The following TTN variants were observed in gnomAD, a reference collection of about 807,000 sequenced individuals.
The protein encoded by TTN is connectin.
A neutral mutation model predicts 3,223.0 loss-of-function variants in TTN; 1,525 were observed. The observed-to-expected ratio is 0.47, with a 90% CI of 0.45 to 0.49. The LOEUF (loss-of-function observed/expected upper bound fraction) is 0.49. TTN is among the 20% of genes least tolerant of loss of function. The pLI is 0.00. For synonymous variants in TTN, 14,094 were observed against 15,161.0 expected (o/e 0.93, Z 5.17); for missense variants, 40,786 against 43,424.0 (o/e 0.94, Z 5.40).
intron 47 of TTN, among the ~76,000 whole-genome samples, chr2:178,743,692 A>G (rs1179507616): frequency 6.6e-6 from 1 of 151,924 alleles, no homozygotes; most frequent in Non-Finnish European, 1.5e-5. Flanking sequence ...CATGCTTGTC[A>G]TGTTTGCCTC....
Position 178,548,822 on chromosome 2 carries a change from T to A in TTN, c.92804A>T (p.His30935Leu). 1 of 1,612,898 alleles carries A rather than the reference T, an allele frequency of 6.2e-7. No individual in the cohort carries two copies. The highest frequency in any genetic ancestry group is 8.5e-7 in the Non-Finnish European group (1 of 1,179,806). The part of the protein sequence containing the change: ...LDIDANFKQT[H>L]VVRAGASIRL... ...AATACTGGCCCCAGCTCTAACAACA[T>A]GAGTCTGTTTGAAGTTTGCATCTAT... Residue 30935 changes from histidine to leucine, a missense_variant, in exon 339 of 363, where the codon CAT becomes CTT. By Grantham distance (99) the His-to-Leu change is moderately conservative. Coordinates refer to ENST00000589042, the MANE Select transcript of TTN (RefSeq NM_001267550.2). The surrounding 1 kb of genome is among the most constrained non-coding windows in gnomAD (Gnocchi z 4.3).
chr2:178,788,931 AAT>A (rs1469297190), intron 13 of TTN, among the ~76,000 whole-genome samples: 10 of 152,234 alleles, frequency 6.6e-5, no homozygotes, highest in Admixed American at 2.6e-4. Context: ...AATTTACTGA[AAT>A]AAGTCATACT....
chr2:178,701,727 T>C, intron 109 of TTN, 140 bp from the exon 110 acceptor site: 3 of 879,108 alleles, frequency 3.4e-6, no homozygotes, highest in Non-Finnish European at 5.1e-6. Context: ...CAAAATAATA[T>C]TAGTATTCTT....
At chr2:178,624,166 C>T (rs1420999582) in intron 242 of TTN, among the ~76,000 whole-genome samples, 1 of 151,952 alleles carries the variant, frequency 6.6e-6, no homozygotes, top group Non-Finnish European at 1.5e-5. Flanking sequence ...ATCAGGATAT[C>T]CATACAGTAG....
intron 253 of TTN, 87 bp from the exon 254 acceptor site, chr2:178,617,599 T>C: frequency 1.4e-6 from 2 of 1,428,066 alleles, no homozygotes; most frequent in Non-Finnish European, 1.9e-6. Context: ...ATCATCCTCA[T>C]TAACAGGTTT....
rs1342281244 is a variant in TTN, at chr2:178,652,533, C to G, written c.39052G>C (p.Ala13018Pro). 1 of 1,613,366 alleles carries G rather than the reference C, an allele frequency of 6.2e-7. No homozygotes were observed. Among genetic ancestry groups the G allele is most frequent in the Non-Finnish European group, 8.5e-7 (1 of 1,179,584 alleles). Residue 13018 changes from alanine (A) to proline (P), a missense_variant, in exon 202 of 363, where the codon GCT becomes CCT. Transcript: ENST00000589042. ...TTTTCAGGAACAACTTCTTTCGGAG[C>G]CTCTGGCACTTAAAAGATATTAGTG... is the stretch of plus-strand genomic sequence containing the variant. ...PEVPPVKVPE[A>P]PKEVVPEKKV...
rs552522449 is a variant in TTN, at chr2:178,755,842, C to A, written c.11254+380G>T. Among the ~76,000 whole-genome samples, 3 of 152,216 alleles carry A rather than the reference C, an allele frequency of 2.0e-5. No individual in the cohort carries two copies. The East Asian group carries it at 5.8e-4, about 29-fold the overall frequency. On this transcript the variant is annotated intron_variant, in intron 46 of 362. Coordinates refer to ENST00000589042, the MANE Select transcript of TTN (RefSeq NM_001267550.2). ...ATTGTTGAACCTCTTGCTATTAAAA[C>A]AATTAAACTGAAATTTACCACAGTA...
In TTN at chr2:178,725,471, A is replaced by T. The variant is rs879167155; in HGVS notation, c.20733T>A (p.Thr6911=). 4 of 1,613,138 alleles carry T rather than the reference A, an allele frequency of 2.5e-6. No homozygotes were observed. The African/African-American group carries it at 5.3e-5, about 22-fold the overall frequency. The change falls in exon 71 of 363, where the codon ACT becomes ACA. Residue 6911 remains threonine, a synonymous_variant. Transcript: ENST00000589042. ...IRITFVENVA[T]LQFAKAEPAN... ...CTGGCTCTGCTTTTGCAAACTGTAG[A>T]GTTGCAACATTTTCCACAAATGTAA...
Position 178,645,452 on chromosome 2 carries a change from C to T in TTN, c.40408+468G>A, listed in dbSNP as rs552430891. 6.6e-5 allele frequency among the ~76,000 whole-genome samples: 10 copies of T among 152,102 alleles called. No homozygotes were observed. In the South Asian group the frequency reaches 2.1e-3, roughly 32 times the overall value. On this transcript the variant is annotated intron_variant, in intron 217 of 362. Transcript: ENST00000589042. The stretch of plus-strand genomic sequence containing the variant: ...TAGGCACATATCAGCTACTGGAAAT[C>T]ATAACTATATTACTTGTAATATATT...
chr2:178,557,381 G>T lies in TTN; in HGVS notation c.87881C>A (p.Thr29294Lys). The T allele has an allele frequency of 6.2e-7, 1 of 1,613,950 alleles. No individual in the cohort carries two copies. ...WQKANKLVIR[T>K]THFKVTTISA... ...GATTGTTGTGACTTTGAAGTGAGTT[G>T]TGCGGATGACCAGTTTGTTGGCTTT... The change falls in exon 329 of 363, where the codon ACA becomes AAA. Residue 29294 changes from threonine (T) to lysine (K), a missense_variant. Thr to Lys is a moderately conservative substitution (Grantham distance 78, BLOSUM62 -1). Transcript: ENST00000589042.
chr2:178,738,520 C>A (rs1216692247), intron 48 of TTN, among the ~76,000 whole-genome samples, 160 bp from the exon 49 acceptor site: 4 of 152,012 alleles, frequency 2.6e-5, no homozygotes, highest in Non-Finnish European at 5.9e-5. Context: ...TGAGAAAGAT[C>A]ATTGAAGGCA....
At position 178,616,801 on chromosome 2, in the gene TTN, T is replaced by C. The variant is rs764470678; in HGVS notation, c.48088A>G (p.Lys16030Glu). 6.2e-7 allele frequency: 1 copy of C among 1,612,802 alleles called. No homozygotes were observed. The highest frequency in any genetic ancestry group is 8.5e-7 in the Non-Finnish European group (1 of 1,179,178). Reference sequence around the variant, plus strand: ...TCTAATTTCAGTGTATAAATGCCCTTGTCTGAACGTTCACTTGGAGAAATG... The same window carrying C: ...TCTAATTTCAGTGTATAAATGCCCTCGTCTGAACGTTCACTTGGAGAAATG... ...LVISPSERSD[K>E]GIYTLKLENR... is the part of the protein sequence containing the mutation. Residue 16030 changes from lysine (K) to glutamate (E), a missense_variant, in exon 256 of 363, where the codon AAG becomes GAG. Transcript: ENST00000589042.
chr2:178,719,449 G>A lies in TTN; in HGVS notation c.23941C>T (p.Arg7981Trp), dbSNP rs1227497572. 6.2e-7 allele frequency: 1 copy of A among 1,610,882 alleles called. No individual in the cohort carries two copies. The highest frequency in any genetic ancestry group is 1.7e-5 in the Admixed American group (1 of 59,878). The change falls in exon 83 of 363, where the codon CGG (arginine) becomes TGG (tryptophan). Residue 7981 changes from arginine (R) to tryptophan (W), a missense_variant and splice_region_variant. Physicochemically the swap from Arg to Trp is moderately radical, Grantham distance 101. Coordinates refer to ENST00000589042, the MANE Select transcript of TTN (RefSeq NM_001267550.2). ...CGGATGAAGGAAGGAGGCACAATCC[G>A]ATCTATGTGGGGAAGGGTAGTTTTG... Reference protein sequence around the residue: ...NCTVSVHVSDRIVPPSFIRKL... With the variant: ...NCTVSVHVSDWIVPPSFIRKL...
rs147314430 is a variant in TTN, at chr2:178,751,325, C to G, written c.11311+1799G>C. 866 of 1,610,262 alleles carry G rather than the reference C, an allele frequency of 5.4e-4. 6 individuals carry two copies. Among genetic ancestry groups the G allele is most frequent in the Admixed American group, 1.1e-3 (64 of 59,420 alleles). ...CACTTTGGTCTCCTTGTCCAGGAAA[C>G]TTTCACCTACATTAAGCCAACCTCT... On this transcript the variant is annotated intron_variant, in intron 47 of 362. Transcript: ENST00000589042.
At chr2:178,685,018 A>G in intron 129 of TTN, 29 bp from the exon 130 acceptor site, 1 of 1,539,602 alleles carries the variant, frequency 6.5e-7, no homozygotes, top group South Asian at 1.2e-5. Flanking sequence ...TAAGAATATG[A>G]GTTTGCCTTA....
At position 178,610,270 on chromosome 2, in the gene TTN, G is replaced by T; in HGVS notation, c.51256C>A (p.Arg17086Ser). ...GTPILHYVLE[R>S]REAGRRTYIP... ...TATGTTCTCCTCCCAGCTTCTCTGC[G>T]CTCCAGGACATAATGAAGAATTGGG... The change falls in exon 271 of 363, where the codon CGC becomes AGC. Residue 17086 changes from arginine to serine, a missense_variant. Arg to Ser is a moderately radical substitution (Grantham distance 110). Coordinates refer to ENST00000589042, the MANE Select transcript of TTN (RefSeq NM_001267550.2). 3.1e-6 allele frequency: 5 copies of T among 1,612,882 alleles called. No homozygotes were observed. Among genetic ancestry groups the T allele is most frequent in the Non-Finnish European group, 4.2e-6 (5 of 1,179,232 alleles).
chr2:178,610,171 A>C lies in TTN; in HGVS notation c.51355T>G (p.Phe17119Val), dbSNP rs370696020. Residue 17119 changes from phenylalanine (F) to valine (V), a missense_variant, in exon 271 of 363, where the codon TTC becomes GTC. By Grantham distance (50) the Phe-to-Val change is conservative (BLOSUM62 -1). Coordinates refer to ENST00000589042, the MANE Select transcript of TTN (RefSeq NM_001267550.2). The stretch of plus-strand genomic sequence containing the variant: ...ACCTTGTTGACTGCTTTAACACGGA[A>C]GAAGTATTCACCATTTGGTATGAGA... ...KDLIPNGEYFFRVKAVNKVGG... is the reference protein window; with the variant it reads ...KDLIPNGEYFVRVKAVNKVGG... The C allele has an allele frequency of 3.5e-5, 57 of 1,613,044 alleles. 1 individual carries two copies. The highest frequency in any genetic ancestry group is 3.5e-4 in the South Asian group (32 of 91,066).
rs781529874 is a variant in TTN at position 178,764,158 on chromosome 2, C to A, written c.10114+19G>T. ...TATTTGTAAGTATTGGCAATGACAC[C>A]TTTTGTTCTTAAACCTACCTGTTCC... On this transcript the variant is annotated intron_variant, in intron 43 of 362. Coordinates refer to ENST00000589042, the MANE Select transcript of TTN (RefSeq NM_001267550.2). The A allele has an allele frequency of 6.2e-6, 10 of 1,614,002 alleles. No individual in the cohort carries two copies. Among genetic ancestry groups the A allele is most frequent in the Non-Finnish European group, 8.5e-6 (10 of 1,179,926 alleles).
intron 20 of TTN, 88 bp from the exon 21 acceptor site, chr2:178,781,351 T>C (rs1375438387): frequency 4.1e-6 from 6 of 1,463,232 alleles, no homozygotes; most frequent in Non-Finnish European, 5.7e-6. Flanking sequence ...AGTGGATCTG[T>C]GGTATAAAAT....
Sources: allele counts gnomAD v4.1 joint callset (sites outside exome capture counted in the v4.1 genomes callset), GRCh38; gene constraint gnomAD v4.1.1; non-coding constraint Gnocchi (gnomAD v3.1); transcripts MANE v1.5; gene names NCBI Gene and HGNC (gene_info 2026-07-23, HGNC 2026-07-21).